ZMYM2: variants seen among roughly 807,000 people sequenced by gnomAD.
ZMYM2 encodes zinc finger MYM-type protein 2.
Under a neutral mutation model 162.8 loss-of-function variants are expected in ZMYM2, and 56 were observed. The ratio of observed to expected loss-of-function variants is 0.34; its 90% CI spans 0.28 to 0.43. The LOEUF (loss-of-function observed/expected upper bound fraction) is 0.43, where lower values mean the gene tolerates loss of function less well. ZMYM2 is among the 20% of genes least tolerant of loss of function. ZMYM2 has a pLI of 1.00. For synonymous variants in ZMYM2, 510 were observed against 541.6 expected (o/e 0.94, Z 0.81); for missense variants, 1,275 against 1,621.8 (o/e 0.79, Z 3.67).
chr13:20,046,679 ATATG>A (rs1323565671), intron 12 of ZMYM2, among the ~76,000 whole-genome samples: 2 of 150,344 alleles, frequency 1.3e-5, no homozygotes, highest in East Asian at 1.9e-4. Flanking sequence ...ATGTGTGTAT[ATATG>A]TATATATGTG....
intron 2 of ZMYM2, among the ~76,000 whole-genome samples, chr13:19,990,637 A>G (rs190954379): frequency 6.6e-6 from 1 of 152,226 alleles, no homozygotes; most frequent in South Asian, 2.1e-4. Context: ...ATGCTACAAG[A>G]CGTACAGTGA....
the ZMYM2 span, among the ~76,000 whole-genome samples, chr13:19,882,588 A>C: frequency 6.6e-6 from 1 of 152,136 alleles, no homozygotes; most frequent in South Asian, 2.1e-4. Flanking sequence ...CTCTACCAAA[A>C]ATACAAAAAT....
At chr13:20,084,068 G>C (rs1185361031) in intron 24 of ZMYM2, among the ~76,000 whole-genome samples, 1 of 152,120 alleles carries the variant, frequency 6.6e-6, no homozygotes, top group Non-Finnish European at 1.5e-5. Flanking sequence ...GGAGTACAGT[G>C]GCACGTGATC....
At chr13:20,051,024 A>G (rs1002272368) in intron 12 of ZMYM2, among the ~76,000 whole-genome samples, 2 of 152,048 alleles carry the variant, frequency 1.3e-5, no homozygotes, top group Non-Finnish European at 2.9e-5. Context: ...CTTCAAAATT[A>G]CCTTTGTCTT....
the ZMYM2 span, among the ~76,000 whole-genome samples, chr13:19,887,155 G>A: frequency 6.6e-6 from 1 of 151,900 alleles, no homozygotes; most frequent in Non-Finnish European, 1.5e-5. Context: ...ACATCAGATT[G>A]TCTTTCTTTT....
rs1177212044 is a variant in ZMYM2 at position 20,067,296 on chromosome 13, A to G, written c.3359A>G (p.Tyr1120Cys). 1.9e-6 allele frequency: 3 copies of G among 1,600,398 alleles called. No homozygotes were observed. Among genetic ancestry groups the G allele is most frequent in the South Asian group, 1.1e-5 (1 of 88,336 alleles). The change falls in exon 21 of 25, where the codon TAT becomes TGT. Residue 1120 changes from tyrosine to cysteine, a missense_variant. Tyr to Cys is a radical substitution (Grantham distance 194). This residue lies in a region of ZMYM2 where 229 missense variants were observed against 283.8 expected (regional missense o/e 0.81). Transcript: ENST00000610343. ...LLSHTTAELN[Y>C]GLAHFVNEIR... ...TCTCACACCACAGCTGAGCTTAACT[A>G]TGGGTTAGCTCATTTTGTCAATGAG...
chr13:20,060,678 C>CA (rs34103324), intron 16 of ZMYM2, among the ~76,000 whole-genome samples: 206 of 117,658 alleles, frequency 1.8e-3, no homozygotes, highest in Middle Eastern at 4.1e-3. Context: ...AATTCCATCT[C>CA]AAAAAAAAAA....
intron 6 of ZMYM2, among the ~76,000 whole-genome samples, chr13:20,012,182 G>T (rs1566292962): frequency 6.6e-6 from 1 of 150,736 alleles, no homozygotes; most frequent in Non-Finnish European, 1.5e-5. Context: ...TCCGCCCCTG[G>T]TCTTTTTTTT....
intron 2 of ZMYM2, chr13:19,965,417 G>A (rs923591728): frequency 2.4e-5 from 10 of 425,456 alleles, no homozygotes; most frequent in African/African-American, 4.2e-5. Flanking sequence ...AGTGTTTCTT[G>A]GAATATCAAG....
chr13:19,898,035 GA>G, the ZMYM2 span, among the ~76,000 whole-genome samples: 2 of 152,102 alleles, frequency 1.3e-5, no homozygotes, highest in African/African-American at 2.4e-5. Flanking sequence ...AACAACAGCA[GA>G]ATACCCATTT....
the ZMYM2 span, among the ~76,000 whole-genome samples, chr13:19,944,815 C>G: frequency 6.6e-6 from 1 of 151,956 alleles, no homozygotes; most frequent in African/African-American, 2.4e-5. Context: ...GGATTACAGG[C>G]ACCCACCACC....
intron 10 of ZMYM2, among the ~76,000 whole-genome samples, chr13:20,033,042 C>T (rs916033556): frequency 3.9e-5 from 6 of 151,948 alleles, no homozygotes; most frequent in African/African-American, 1.5e-4. Context: ...CTATTTGAGA[C>T]TGTTGTTGGC....
intron 14 of ZMYM2, among the ~76,000 whole-genome samples, chr13:20,054,044 G>A (rs1955589674): frequency 6.6e-6 from 1 of 152,196 alleles, no homozygotes. Flanking sequence ...GATAGAGGGA[G>A]CATTATTAAT....
chr13:20,080,537 G>C (rs540440460), intron 21 of ZMYM2, among the ~76,000 whole-genome samples: 1 of 151,724 alleles, frequency 6.6e-6, no homozygotes, highest in East Asian at 1.9e-4. Context: ...TCCCAGGCTA[G>C]AGTGCAGTGG....
At chr13:20,067,620 T>G (rs1956777868) in intron 21 of ZMYM2, among the ~76,000 whole-genome samples, 1 of 152,256 alleles carries the variant, frequency 6.6e-6, no homozygotes, top group African/African-American at 2.4e-5. Flanking sequence ...CACATCTGGC[T>G]ATAGATCCAT....
At chr13:20,034,608 CCT>C (rs1333315241) in intron 11 of ZMYM2, among the ~76,000 whole-genome samples, 1 of 152,066 alleles carries the variant, frequency 6.6e-6, no homozygotes, top group Admixed American at 6.5e-5. Context: ...AATTTGGTAA[CCT>C]CTTATTTCAT....
At chr13:19,943,774 G>A in the ZMYM2 span, among the ~76,000 whole-genome samples, 3 of 152,278 alleles carry the variant, frequency 2.0e-5, no homozygotes, top group South Asian at 2.1e-4. Flanking sequence ...TGCCCCGTAC[G>A]CAGTTGGTAT....
Position 20,044,410 on chromosome 13 carries a change from G to A in ZMYM2, c.2293-7023G>A, listed in dbSNP as rs567368492. On this transcript the variant is annotated intron_variant, in intron 12 of 24. Coordinates refer to ENST00000610343, the MANE Select transcript of ZMYM2 (RefSeq NM_197968.4). The stretch of plus-strand genomic sequence containing the variant: ...CCAGTGTGTGGTAGCCCCATGCAGC[G>A]TTCCCAGATTCCTTCTCCTTAAGCC... 1.3e-4 allele frequency among the ~76,000 whole-genome samples: 20 copies of A among 152,250 alleles called. No homozygotes were observed. In the South Asian group the frequency reaches 3.3e-3, roughly 25 times the overall value.
rs966128770 is a variant in ZMYM2, at chr13:20,074,003, AAAT to A, written c.3453+6619_3453+6621del. Among the ~76,000 whole-genome samples, 13 of 152,260 alleles carry A rather than the reference AAAT, an allele frequency of 8.5e-5. No homozygotes were observed. In the South Asian group the frequency reaches 1.7e-3, roughly 19 times the overall value. ...GCAGAACTGAAACTCTGTACTCATT[AAAT>A]AATAACTCTCCATTTCCTTCTCTAC... is the stretch of plus-strand genomic sequence containing the variant. On this transcript the variant is annotated intron_variant, in intron 21 of 24. Transcript: ENST00000610343.
Sources: allele counts gnomAD v4.1 joint callset (sites outside exome capture counted in the v4.1 genomes callset), GRCh38; gene constraint gnomAD v4.1.1; regional missense constraint gnomAD v4.1.1; transcripts MANE v1.5; gene names NCBI Gene and HGNC (gene_info 2026-07-23, HGNC 2026-07-21).